Variants in CC2D2A observed in about 807,000 individuals in gnomAD.
CC2D2A encodes the protein coiled-coil and C2 domain-containing protein 2A.
In CC2D2A, 155 loss-of-function variants were observed where a neutral mutation model predicts 212.9. That is an observed-to-expected ratio of 0.73 (90% confidence interval 0.64 to 0.83). CC2D2A has a LOEUF of 0.83. CC2D2A is among the 40% of genes least tolerant of loss of function. The pLI is 0.00. For missense variants in CC2D2A, 1,856 were observed against 1,956.2 expected, an observed-to-expected ratio of 0.95 and a Z score of 0.97; for synonymous variants, 667 against 686.5, an observed-to-expected ratio of 0.97 and a Z score of 0.44.
chr4:15,520,371 CAA>C (rs1309867476), intron 11 of CC2D2A, among the ~76,000 whole-genome samples: 1 of 152,064 alleles, frequency 6.6e-6, no homozygotes, highest in African/African-American at 2.4e-5. Flanking sequence ...GGTTATATGA[CAA>C]AAATACATAA....
chr4:15,530,228 C>T lies in CC2D2A; in HGVS notation c.1466+1502C>T, dbSNP rs556970325. The stretch of plus-strand genomic sequence containing the variant: ...CCTCGTGATCTGCCCGCCTTGGCCT[C>T]CCAAAGTGCTGGGATTACAGGCGTG... On this transcript the variant is annotated intron_variant, in intron 13 of 36. Transcript: ENST00000424120. Among the ~76,000 whole-genome samples the T allele has an allele frequency of 2.5e-4, 38 of 152,292 alleles. No individual in the cohort carries two copies. In the South Asian group the frequency reaches 7.9e-3, roughly 32 times the overall value.
At position 15,599,661 on chromosome 4, in the gene CC2D2A, A is replaced by T; in HGVS notation, c.4629A>T (p.Glu1543Asp). ...LLEKSQGEDV[E>D]DDHRAELLKQ... is the part of the protein sequence containing the mutation. ...AAAAAAGTCAAGGAGAAGATGTAGA[A>T]GATGACCACAGAGCAGAACTGCTAA... Residue 1543 changes from glutamate (E) to aspartate (D), a missense_variant, in exon 36 of 37, where the codon GAA becomes GAT. Glu to Asp is a conservative substitution (Grantham distance 45). Coordinates refer to ENST00000424120, the MANE Select transcript of CC2D2A (RefSeq NM_001378615.1). 6.2e-7 allele frequency: 1 copy of T among 1,613,722 alleles called. No homozygotes were observed. Among genetic ancestry groups the T allele is most frequent in the Non-Finnish European group, 8.5e-7 (1 of 1,179,656 alleles).
chr4:15,596,168 T>C lies in CC2D2A; in HGVS notation c.4398T>C (p.Phe1466=). Residue 1466 remains phenylalanine (F), a synonymous_variant, in exon 34 of 37, where the codon TTT becomes TTC. Transcript: ENST00000424120. ...VTRPKLWKSF[F]SRSLPYPGLS... is the part of the protein sequence containing the mutation. ...GGCCCAAGCTATGGAAATCTTTCTT[T>C]TCAAGAAGCCTTCCATATCCTGGCC... 6.5e-7 allele frequency: 1 copy of C among 1,549,420 alleles called. No individual in the cohort carries two copies. The highest frequency in any genetic ancestry group is 8.7e-7 in the Non-Finnish European group (1 of 1,145,730).
At chr4:15,528,790 A>AT in intron 13 of CC2D2A, 64 bp downstream of exon 13, 2 of 1,139,636 alleles carry the variant, frequency 1.8e-6, no homozygotes, top group Non-Finnish European at 2.5e-6. Context: ...GTTAGAGTTT[A>AT]TTTTTCCAGA....
At chr4:15,502,602 G>A in intron 5 of CC2D2A, 85 bp downstream of exon 5, 2 of 1,226,782 alleles carry the variant, frequency 1.6e-6, no homozygotes, top group Non-Finnish European at 2.3e-6. Context: ...GCTCCAAACT[G>A]CATGGATTTG....
chr4:15,561,215 A>G (rs1719582021), intron 23 of CC2D2A, among the ~76,000 whole-genome samples: 1 of 152,236 alleles, frequency 6.6e-6, no homozygotes, highest in Non-Finnish European at 1.5e-5. Flanking sequence ...GGCTTCAACT[A>G]GGGGTGTGGA....
chr4:15,514,107 G>A (rs1209960120), intron 8 of CC2D2A, among the ~76,000 whole-genome samples: 1 of 152,176 alleles, frequency 6.6e-6, no homozygotes, highest in Non-Finnish European at 1.5e-5. Flanking sequence ...TAGCCTCTTT[G>A]CTTTGAATTT....
intron 31 of CC2D2A, among the ~76,000 whole-genome samples, chr4:15,587,385 C>T (rs1720897952): frequency 6.6e-6 from 1 of 152,204 alleles, no homozygotes; most frequent in East Asian, 1.9e-4. Flanking sequence ...TAGAGCTAGA[C>T]TGGCTTTACT....
chr4:15,558,793 G>A (rs1047848262), intron 21 of CC2D2A, among the ~76,000 whole-genome samples: 3 of 152,090 alleles, frequency 2.0e-5, no homozygotes, highest in Admixed American at 6.6e-5. Flanking sequence ...CTCAGCTACA[G>A]CCAGATGTTA....
chr4:15,534,132 G>A (rs749058954), intron 14 of CC2D2A, among the ~76,000 whole-genome samples: 6 of 152,106 alleles, frequency 3.9e-5, no homozygotes, highest in Non-Finnish European at 7.4e-5. Context: ...CTTTTGTGAG[G>A]TGTCTCTTCA....
At chr4:15,561,498 T>G (rs767303876) in intron 23 of CC2D2A, 2 of 152,190 alleles carry the variant, frequency 1.3e-5, no homozygotes, top group Non-Finnish European at 2.9e-5. Context: ...TTCAAAGTCA[T>G]GAAAATTACA....
chr4:15,586,646 T>A (rs1321547039), intron 31 of CC2D2A, among the ~76,000 whole-genome samples: 6 of 152,204 alleles, frequency 3.9e-5, no homozygotes, highest in Non-Finnish European at 8.8e-5. Flanking sequence ...TACTTCTTGG[T>A]CACTTACCAC....
chr4:15,511,216 GAAAT>G, intron 7 of CC2D2A, 27 bp from the exon 8 acceptor site: 1 of 1,569,468 alleles, frequency 6.4e-7, no homozygotes, highest in South Asian at 1.2e-5. Flanking sequence ...TTATAAATGG[GAAAT>G]TGCGATTGCT....
At chr4:15,486,872 A>T (rs887948843) in intron 4 of CC2D2A, among the ~76,000 whole-genome samples, 1 of 151,550 alleles carries the variant, frequency 6.6e-6, no homozygotes, top group Non-Finnish European at 1.5e-5. Context: ...GTTCCAGTCA[A>T]TTTTTTATTT....
intron 18 of CC2D2A, among the ~76,000 whole-genome samples, chr4:15,551,873 A>G (rs1719026670): frequency 6.6e-6 from 1 of 151,830 alleles, no homozygotes; most frequent in Non-Finnish European, 1.5e-5. Flanking sequence ...TATTTGCATT[A>G]TTTATTTAAG....
chr4:15,537,322 AGCACTCTGT>A (rs1718186844), intron 15 of CC2D2A, among the ~76,000 whole-genome samples: 1 of 152,274 alleles, frequency 6.6e-6, no homozygotes, highest in African/African-American at 2.4e-5. Flanking sequence ...ATGCTATGGT[AGCACTCTGT>A]GCCTATTTAA....
rs1342506197 is a variant in CC2D2A at position 15,502,456 on chromosome 4, G to A, written c.275G>A (p.Arg92Lys). The A allele has an allele frequency of 2.4e-5, 38 of 1,607,376 alleles. No individual in the cohort carries two copies. Among genetic ancestry groups the A allele is most frequent in the Non-Finnish European group, 3.1e-5 (36 of 1,178,226 alleles). ...RSLPPIPSTS[R>K]TGFAEFSMRG... ...TTACCTCCAATTCCTTCAACTTCCA[G>A]AACAGGCTTTGCAGAATTTTCCATG... Residue 92 changes from arginine (R) to lysine (K), a missense_variant, in exon 5 of 37, where the codon AGA (arginine) becomes AAA (lysine). This residue lies in a region of CC2D2A where 1,512 missense variants were observed against 1,579.3 expected (regional missense o/e 0.96). Transcript: ENST00000424120.
At chr4:15,565,393 C>A (rs1167743377) in intron 24 of CC2D2A, among the ~76,000 whole-genome samples, 1 of 138,584 alleles carries the variant, frequency 7.2e-6, no homozygotes. Context: ...CACTCATCCA[C>A]ATACGGTTTT....
intron 17 of CC2D2A, among the ~76,000 whole-genome samples, chr4:15,546,331 A>T (rs1379895475): frequency 6.6e-6 from 1 of 152,206 alleles, no homozygotes; most frequent in Non-Finnish European, 1.5e-5. Context: ...TCCTACATTC[A>T]TCTTCTCAAC....
Sources: gnomAD v4.1 joint callset for allele counts (sites outside exome capture counted in the v4.1 genomes callset) on GRCh38, gnomAD v4.1.1 for gene constraint, gnomAD v4.1.1 regional missense constraint, MANE v1.5 for transcripts, NCBI Gene and HGNC (gene_info 2026-07-23, HGNC 2026-07-21) for gene names.